ADAMTS19: variants seen among roughly 807,000 people sequenced by gnomAD.
ADAMTS19 encodes ADAM metallopeptidase with thrombospondin type 1 motif 19.
In ADAMTS19, 93 loss-of-function variants were observed where a neutral mutation model predicts 153.3. The observed-to-expected ratio is 0.61, with a 90% CI of 0.51 to 0.72. The LOEUF is 0.72. ADAMTS19 is among the 30% of genes least tolerant of loss of function. ADAMTS19 has a pLI of 0.00. For synonymous variants in ADAMTS19, 600 were observed against 556.6 expected (o/e 1.08, Z -1.10); for missense variants, 1,482 against 1,552.1 (o/e 0.95, Z 0.76).
intron 7 of ADAMTS19, among the ~76,000 whole-genome samples, chr5:129,552,808 A>C (rs1029064457): frequency 2.4e-4 from 36 of 152,092 alleles, no homozygotes; most frequent in African/African-American, 8.4e-4. Context: ...CAACCTCCTC[A>C]TATGTTTAAA....
At chr5:129,530,327 A>G (rs1752155070) in intron 6 of ADAMTS19, among the ~76,000 whole-genome samples, 1 of 152,166 alleles carries the variant, frequency 6.6e-6, no homozygotes, top group African/African-American at 2.4e-5. Flanking sequence ...AGAATGGGTA[A>G]GAAAAATTAT....
chr5:129,653,605 C>G (rs1352426050), intron 13 of ADAMTS19, among the ~76,000 whole-genome samples: 1 of 152,200 alleles, frequency 6.6e-6, no homozygotes, highest in Non-Finnish European at 1.5e-5. Context: ...AGAGTTCTCA[C>G]TAGCACATCA....
At chr5:129,681,236 C>T (rs1354700739) in intron 17 of ADAMTS19, among the ~76,000 whole-genome samples, 1 of 152,152 alleles carries the variant, frequency 6.6e-6, no homozygotes, top group Non-Finnish European at 1.5e-5. Context: ...TAGTCTGATT[C>T]ATTTGATTTG....
chr5:129,484,022 C>T (rs1223222536), intron 2 of ADAMTS19, among the ~76,000 whole-genome samples: 1 of 152,022 alleles, frequency 6.6e-6, no homozygotes, highest in African/African-American at 2.4e-5. Context: ...TGCCTTTTTC[C>T]TCATATCTTT....
intron 3 of ADAMTS19, among the ~76,000 whole-genome samples, chr5:129,522,332 C>CATATATAT (rs1209637522): frequency 0.03 from 1,734 of 58,480 alleles, 78 homozygotes; most frequent in East Asian, 0.11. Flanking sequence ...CACACACACA[C>CATATATAT]ATATATATAT....
chr5:129,521,010 T>G (rs1469197273), intron 3 of ADAMTS19, among the ~76,000 whole-genome samples: 1 of 152,148 alleles, frequency 6.6e-6, no homozygotes, highest in Non-Finnish European at 1.5e-5. Context: ...TAGCTTTCTA[T>G]TTTATAGCCT....
chr5:129,546,067 T>C (rs1328665899), intron 6 of ADAMTS19, among the ~76,000 whole-genome samples: 52 of 148,428 alleles, frequency 3.5e-4, no homozygotes, highest in Non-Finnish European at 6.2e-4. Context: ...TAAAAAAGGA[T>C]GAGTTCATGT....
At chr5:129,548,450 C>G (rs992134651) in intron 6 of ADAMTS19, among the ~76,000 whole-genome samples, 1 of 151,974 alleles carries the variant, frequency 6.6e-6, no homozygotes, top group African/African-American at 2.4e-5. Flanking sequence ...GGCCATCAGA[C>G]AAATGCAAAT....
chr5:129,710,458 G>T (rs1173372495), intron 21 of ADAMTS19, among the ~76,000 whole-genome samples: 1 of 152,078 alleles, frequency 6.6e-6, no homozygotes. Flanking sequence ...TTTCACGAAA[G>T]AAGACATTTA....
At chr5:129,634,566 C>A (rs1752447515) in intron 10 of ADAMTS19, among the ~76,000 whole-genome samples, 1 of 152,044 alleles carries the variant, frequency 6.6e-6, no homozygotes, top group Non-Finnish European at 1.5e-5. Flanking sequence ...CAACATGATA[C>A]TGGGACAAAA....
chr5:129,551,980 T>G, intron 7 of ADAMTS19, 73 bp downstream of exon 7: 7 of 960,714 alleles, frequency 7.3e-6, no homozygotes, highest in Non-Finnish European at 1.1e-5. Flanking sequence ...GTATAGGAAA[T>G]TATTTGTGTT....
intron 7 of ADAMTS19, among the ~76,000 whole-genome samples, chr5:129,580,901 T>G (rs1345965700): frequency 6.6e-6 from 1 of 152,222 alleles, no homozygotes; most frequent in Non-Finnish European, 1.5e-5. Flanking sequence ...TCTCTTTTTT[T>G]GATGTGTCTC....
rs888493485 is a variant in ADAMTS19 at position 129,461,469 on chromosome 5, GCCGCCCCCGTCC to G, written c.469_480del (p.Ser157_Pro160del). On this transcript the variant is annotated inframe_deletion, in exon 2 of 23. Transcript: ENST00000274487. This position sits in a 1 kb window ranked among gnomAD's most constrained non-coding sequence, Gnocchi z 4.6. ...CGTGGCAGCCGCCGCCTCCCCCGCA[GCCGCCCCCGTCC>G]CCGCCCCCGGCCCAGCATGCCGAGC... is the stretch of plus-strand genomic sequence containing the variant. 6.8e-6 allele frequency: 10 copies of G among 1,465,826 alleles called. No individual in the cohort carries two copies. The Admixed American group carries it at 7.6e-5, about 11-fold the overall frequency. The allele number at this position is 1,465,826 out of a possible 1,614,324, so 90.8% of individuals were successfully genotyped here. A position where few individuals can be genotyped will look rare whatever the true frequency, so the allele number is the denominator to read the frequency against.
At position 129,557,259 on chromosome 5, in the gene ADAMTS19, C is replaced by G. The variant is rs144772456; in HGVS notation, c.1372+5352C>G. On this transcript the variant is annotated intron_variant, in intron 7 of 22. Coordinates refer to ENST00000274487, the MANE Select transcript of ADAMTS19 (RefSeq NM_133638.6). ...AGCTGAGAGATTAGCCAAAAAGAAG[C>G]CTATCTCTTCTTTTAACAATTAAAT... 6.9e-3 allele frequency among the ~76,000 whole-genome samples: 1,047 copies of G among 152,110 alleles called. 17 individuals carry two copies. Among genetic ancestry groups the G allele is most frequent in the African/African-American group, 0.024 (992 of 41,496 alleles).
chr5:129,715,676 A>G (rs984032266), intron 21 of ADAMTS19, among the ~76,000 whole-genome samples: 2 of 152,194 alleles, frequency 1.3e-5, no homozygotes, highest in African/African-American at 2.4e-5. Context: ...AGCAACTTGT[A>G]TGGCTGGTGG....
chr5:129,726,278 A>G (rs1433607575), intron 21 of ADAMTS19, among the ~76,000 whole-genome samples: 1 of 152,164 alleles, frequency 6.6e-6, no homozygotes, highest in African/African-American at 2.4e-5. Context: ...CAGAATATCT[A>G]TCAGACAATA....
At chr5:129,534,847 G>A (rs1420393302) in intron 6 of ADAMTS19, among the ~76,000 whole-genome samples, 1 of 152,164 alleles carries the variant, frequency 6.6e-6, no homozygotes, top group Non-Finnish European at 1.5e-5. Flanking sequence ...AATAGATGCA[G>A]AAAAGGCCTT....
At chr5:129,490,396 A>C (rs567242288) in intron 2 of ADAMTS19, among the ~76,000 whole-genome samples, 10 of 152,226 alleles carry the variant, frequency 6.6e-5, no homozygotes, top group Non-Finnish European at 1.0e-4. Flanking sequence ...GTGGCTTTTC[A>C]AAACATCAGA....
intron 21 of ADAMTS19, among the ~76,000 whole-genome samples, chr5:129,728,274 T>C (rs555374813): frequency 1.3e-5 from 2 of 152,264 alleles, no homozygotes; most frequent in South Asian, 2.1e-4. Context: ...TTGTTTAGCA[T>C]ATAATCAAGA....
Sources: gnomAD v4.1 joint callset for allele counts (sites outside exome capture counted in the v4.1 genomes callset) on GRCh38, gnomAD v4.1.1 for gene constraint, Gnocchi (gnomAD v3.1) non-coding constraint, MANE v1.5 for transcripts, NCBI Gene and HGNC (gene_info 2026-07-23, HGNC 2026-07-21) for gene names.